OPCML: variants seen among roughly 807,000 people sequenced by gnomAD.
OPCML encodes opioid binding protein/cell adhesion molecule like.
In OPCML, 13 loss-of-function variants were observed where a neutral mutation model predicts 37.8. The observed-to-expected ratio is 0.34, with a 90% CI of 0.22 to 0.55. The LOEUF (loss-of-function observed/expected upper bound fraction) is 0.55, where lower values mean the gene tolerates loss of function less well. OPCML is among the 20% of genes least tolerant of loss of function. The pLI, the probability that OPCML is intolerant of heterozygous loss-of-function variation, is 0.91. For synonymous variants in OPCML, 176 were observed against 168.8 expected, an observed-to-expected ratio of 1.04 and a Z score of -0.33; for missense variants, 341 against 435.6, an observed-to-expected ratio of 0.78 and a Z score of 1.93.
intron 4 of OPCML, among the ~76,000 whole-genome samples, chr11:132,526,605 C>A (rs1401314206): frequency 6.6e-6 from 1 of 151,952 alleles, no homozygotes; most frequent in Non-Finnish European, 1.5e-5. Context: ...TAAAAAGCAG[C>A]AAAAGATTGA....
chr11:132,980,915 G>A (rs911808378), intron 1 of OPCML, among the ~76,000 whole-genome samples: 16 of 152,170 alleles, frequency 1.1e-4, no homozygotes, highest in Non-Finnish European at 1.0e-4. Flanking sequence ...TAAGAAATGC[G>A]CCATTAGGCA....
intron 2 of OPCML, among the ~76,000 whole-genome samples, chr11:132,909,704 C>A (rs1414814841): frequency 6.6e-6 from 1 of 152,180 alleles, no homozygotes. Flanking sequence ...GAACAGAAAG[C>A]TTTGGGGCCC....
chr11:132,769,562 G>T (rs80313367), intron 2 of OPCML, among the ~76,000 whole-genome samples: 2 of 152,300 alleles, frequency 1.3e-5, no homozygotes, highest in African/African-American at 4.8e-5. Context: ...GAGTGAGATG[G>T]AATTCTCTTT....
chr11:133,427,435 C>CA (rs1235021545), intron 1 of OPCML, among the ~76,000 whole-genome samples: 1 of 149,414 alleles, frequency 6.7e-6, no homozygotes, highest in African/African-American at 2.5e-5. Flanking sequence ...GGGCGGGGTT[C>CA]AAAAAAACAA....
chr11:132,600,745 A>G (rs537327762), intron 3 of OPCML, among the ~76,000 whole-genome samples: 1 of 152,070 alleles, frequency 6.6e-6, no homozygotes, highest in East Asian at 1.9e-4. Context: ...AAATTTCTCA[A>G]CCCTTAAATG....
intron 1 of OPCML, among the ~76,000 whole-genome samples, chr11:132,950,498 T>C (rs778543241): frequency 1.2e-4 from 19 of 152,160 alleles, no homozygotes; most frequent in Non-Finnish European, 2.6e-4. Context: ...AGAGTTCTGA[T>C]TAAGTTGTGA....
At chr11:132,478,974 A>G (rs1008754137) in intron 4 of OPCML, among the ~76,000 whole-genome samples, 2 of 152,220 alleles carry the variant, frequency 1.3e-5, no homozygotes, top group Admixed American at 1.3e-4. Flanking sequence ...TTTTTTCACA[A>G]GGAGATAGAG....
At position 133,292,812 on chromosome 11, in the gene OPCML, CCCTACCA is replaced by C. The variant is rs571955696; in HGVS notation, c.61+239445_61+239451del. ...TTATATAAGGAAGCTAAATCTCACT[CCCTACCA>C]CCTGGCATACTGCTTGTGGCTCCTC... On this transcript the variant is annotated intron_variant, in intron 1 of 7. Coordinates refer to ENST00000524381, the MANE Select transcript of OPCML (RefSeq NM_001012393.5). 2.9e-3 allele frequency among the ~76,000 whole-genome samples: 435 copies of C among 152,276 alleles called. 1 individual carries two copies. The highest frequency in any genetic ancestry group is 4.7e-3 in the Non-Finnish European group (321 of 68,024).
chr11:133,410,688 A>G lies in OPCML; in HGVS notation c.61+121576T>C, dbSNP rs558856730. ...AAAAAAAAAAAGACCTCTCTTTCCC[A>G]TCAGCTCTTTTGACGTTGCTGGGAG... On this transcript the variant is annotated intron_variant, in intron 1 of 7. Coordinates refer to ENST00000524381, the MANE Select transcript of OPCML (RefSeq NM_001012393.5). Among the ~76,000 whole-genome samples, 10 of 134,012 alleles carry G rather than the reference A, an allele frequency of 7.5e-5. No homozygotes were observed. The East Asian group carries it at 2.0e-3, about 26-fold the overall frequency. 87.9% of individuals were successfully genotyped at this position (134,012 alleles called of 152,430 possible).
At chr11:133,098,944 A>T (rs1011547170) in intron 1 of OPCML, among the ~76,000 whole-genome samples, 1 of 152,218 alleles carries the variant, frequency 6.6e-6, no homozygotes, top group Non-Finnish European at 1.5e-5. Flanking sequence ...CAACAACAAA[A>T]AAGAGAAACC....
chr11:133,375,849 T>C (rs1944790946), intron 1 of OPCML, among the ~76,000 whole-genome samples: 1 of 152,196 alleles, frequency 6.6e-6, no homozygotes, highest in African/African-American at 2.4e-5. Flanking sequence ...TGAATGAATA[T>C]GTATTAAATT....
intron 1 of OPCML, among the ~76,000 whole-genome samples, chr11:133,529,929 C>T (rs148567417): frequency 5.9e-5 from 9 of 152,326 alleles, no homozygotes; most frequent in Admixed American, 2.6e-4. Flanking sequence ...GTTCTTTCAC[C>T]GACACCTTCT....
At chr11:133,023,812 G>T (rs528355656) in intron 1 of OPCML, among the ~76,000 whole-genome samples, 2 of 152,186 alleles carry the variant, frequency 1.3e-5, no homozygotes, top group Non-Finnish European at 2.9e-5. Context: ...TGTGAGCTAC[G>T]AGGCTGACTC....
intron 3 of OPCML, among the ~76,000 whole-genome samples, chr11:132,530,317 C>A (rs1016437770): frequency 1.3e-5 from 2 of 151,730 alleles, no homozygotes; most frequent in African/African-American, 4.8e-5. Context: ...ACTTAAAGGT[C>A]AGTATTGGAA....
At chr11:133,006,349 T>C (rs1443745094) in intron 1 of OPCML, 1 of 738,724 alleles carries the variant, frequency 1.4e-6, no homozygotes, top group East Asian at 1.3e-4. Context: ...CTTACTACCA[T>C]TGAAATGGTC....
chr11:133,447,228 T>TTTCTTC (rs1946491104), intron 1 of OPCML, among the ~76,000 whole-genome samples: 8 of 152,338 alleles, frequency 5.3e-5, no homozygotes, highest in African/African-American at 1.9e-4. Flanking sequence ...TTTCTTCAAT[T>TTTCTTC]GAAAAGGCAT....
chr11:133,096,270 A>C (rs1949001996), intron 1 of OPCML, among the ~76,000 whole-genome samples: 1 of 152,026 alleles, frequency 6.6e-6, no homozygotes, highest in African/African-American at 2.4e-5. Flanking sequence ...CTTCCTACCC[A>C]TGAATAGGTA....
chr11:133,148,730 GCAGAGACGAGGTC>G (rs1192865299), intron 1 of OPCML, among the ~76,000 whole-genome samples: 2 of 152,174 alleles, frequency 1.3e-5, no homozygotes, highest in African/African-American at 4.8e-5. Flanking sequence ...TCTACAAATG[GCAGAGACGAGGTC>G]CAGAGTTTCA....
intron 1 of OPCML, among the ~76,000 whole-genome samples, chr11:133,069,787 C>T (rs972322485): frequency 3.3e-5 from 5 of 152,096 alleles, no homozygotes; most frequent in South Asian, 2.1e-4. Context: ...CTCTTAGAAA[C>T]GCCATATAAT....
Sources: allele counts gnomAD v4.1 joint callset (sites outside exome capture counted in the v4.1 genomes callset), GRCh38; gene constraint gnomAD v4.1.1; transcripts MANE v1.5; gene names NCBI Gene and HGNC (gene_info 2026-07-23, HGNC 2026-07-21).